PAN3: variants seen among roughly 807,000 people sequenced by gnomAD.
PAN3 encodes PAN2-PAN3 deadenylation complex subunit PAN3.
Under a neutral mutation model 96.2 loss-of-function variants are expected in PAN3, and 19 were observed. That is an observed-to-expected ratio of 0.20 (90% CI 0.14 to 0.29). PAN3 has a LOEUF of 0.29. Among genes scored for constraint, PAN3 ranks in the 10% least tolerant of loss-of-function variants. PAN3 has a pLI of 1.00. For synonymous variants in PAN3, 433 were observed against 406.6 expected (o/e 1.06, Z -0.78); for missense variants, 882 against 1,108.1 (o/e 0.80, Z 2.90).
At chr13:28,150,525 T>A (rs939343133) in intron 1 of PAN3, among the ~76,000 whole-genome samples, 13 of 150,954 alleles carry the variant, frequency 8.6e-5, no homozygotes, top group Middle Eastern at 3.2e-3. Flanking sequence ...TAGTACCAGC[T>A]ACTCGGGAGG....
chr13:28,143,860 A>G (rs1372903333), intron 1 of PAN3, among the ~76,000 whole-genome samples: 1 of 152,218 alleles, frequency 6.6e-6, no homozygotes, highest in Non-Finnish European at 1.5e-5. Context: ...GCTTTGGAAT[A>G]TGTAATGTGT....
intron 5 of PAN3, among the ~76,000 whole-genome samples, chr13:28,211,668 T>C (rs1279463381): frequency 6.6e-6 from 1 of 152,184 alleles, no homozygotes; most frequent in African/African-American, 2.4e-5. Flanking sequence ...CTTAATATTT[T>C]CAAAACATTA....
At chr13:28,163,647 C>T (rs564789475) in intron 1 of PAN3, among the ~76,000 whole-genome samples, 2 of 152,180 alleles carry the variant, frequency 1.3e-5, no homozygotes, top group East Asian at 3.9e-4. Context: ...CTCATCATAC[C>T]TGAGTCTTGA....
chr13:28,215,977 A>G (rs527798542), intron 5 of PAN3: 4 of 792,414 alleles, frequency 5.0e-6, no homozygotes, highest in East Asian at 4.9e-5. Context: ...TCAGTTGGCC[A>G]TTTAAGTTAA....
chr13:28,287,565 C>T (rs542542731), intron 17 of PAN3, among the ~76,000 whole-genome samples: 6 of 152,146 alleles, frequency 3.9e-5, no homozygotes, highest in East Asian at 1.9e-4. Flanking sequence ...GGTAGGAAAC[C>T]GATATTTACT....
In PAN3 at chr13:28,142,511, A is replaced by ATTTTTTTTTTTTTT. The variant is rs74881179; in HGVS notation, c.430+3430_430+3443dup. ...TGTGAGGCAGTTAAAATAGATGGCAATTTTTTTTTTTTTTTTTTTGAGACA... is the reference window on the plus strand; with the variant it reads ...TGTGAGGCAGTTAAAATAGATGGCAATTTTTTTTTTTTTTTTTTTTTTTTTTTTTTTTTGAGACA... On this transcript the variant is annotated intron_variant, in intron 1 of 18. Coordinates refer to ENST00000380958, the MANE Select transcript of PAN3 (RefSeq NM_175854.8). 2.3e-3 allele frequency among the ~76,000 whole-genome samples: 285 copies of ATTTTTTTTTTTTTT among 126,610 alleles called. 9 individuals are homozygous for ATTTTTTTTTTTTTT. Among genetic ancestry groups the ATTTTTTTTTTTTTT allele is most frequent in the African/African-American group, 8.8e-3 (272 of 30,870 alleles). The allele number at this position is 126,610 out of a possible 152,430, so 83.1% of individuals were successfully genotyped here.
chr13:28,183,127 C>CT (rs772153253), intron 4 of PAN3, among the ~76,000 whole-genome samples: 2 of 151,954 alleles, frequency 1.3e-5, no homozygotes, highest in East Asian at 3.9e-4. Flanking sequence ...TAAGCTAGGC[C>CT]TTTTTTGCAT....
Position 28,138,934 on chromosome 13 carries a change from G to T in PAN3, c.277G>T (p.Ala93Ser). ...SNSVPLALAG[A>S]PVAGFPPGAV... Reference sequence around the variant, plus strand: ...CAGCGTCCCCCTGGCTCTGGCTGGTGCACCCGTGGCCGGCTTTCCGCCGGG... The same window carrying T: ...CAGCGTCCCCCTGGCTCTGGCTGGTTCACCCGTGGCCGGCTTTCCGCCGGG... Residue 93 changes from alanine to serine, a missense_variant, in exon 1 of 19, where the codon GCA (alanine) becomes TCA (serine). Physicochemically the swap from Ala to Ser is moderately conservative, Grantham distance 99. Around this residue, in one of 3 missense-constraint regions of PAN3, gnomAD observed 442 missense variants for 422.8 expected, o/e 1.05. Transcript: ENST00000380958. 1 of 1,345,828 alleles carries T rather than the reference G, an allele frequency of 7.4e-7. No homozygotes were observed. 83.4% of individuals were successfully genotyped at this position (1,345,828 alleles called of 1,614,324 possible).
At chr13:28,155,030 G>A (rs1352361401) in intron 1 of PAN3, among the ~76,000 whole-genome samples, 4 of 149,226 alleles carry the variant, frequency 2.7e-5, no homozygotes, top group Non-Finnish European at 4.5e-5. Flanking sequence ...GGGTTTCACC[G>A]TGGTCTCGAT....
chr13:28,145,757 A>ATTTT (rs895808998), intron 1 of PAN3, among the ~76,000 whole-genome samples: 2 of 124,464 alleles, frequency 1.6e-5, no homozygotes, highest in African/African-American at 3.0e-5. Flanking sequence ...TGCCAAGCTA[A>ATTTT]TTTTTTTTTT....
chr13:28,282,674 AG>A (rs1375109066), intron 17 of PAN3, among the ~76,000 whole-genome samples: 2 of 152,314 alleles, frequency 1.3e-5, no homozygotes, highest in South Asian at 4.1e-4. Context: ...GGTCAAAAAT[AG>A]GTAACCTATC....
chr13:28,263,966 C>T (rs1303658762), intron 9 of PAN3, among the ~76,000 whole-genome samples: 3 of 152,176 alleles, frequency 2.0e-5, no homozygotes, highest in African/African-American at 4.8e-5. Context: ...ATGTTTCTGA[C>T]TATCCCTTCC....
In PAN3 at chr13:28,138,686, C is replaced by A. The variant is rs1249224529; in HGVS notation, c.29C>A (p.Pro10His). ...AACAGTGGCGGCGGCCTCCCGCCCC[C>A]CTCGGCCGCCGCCTCCCCTTCCTCC... MNSGGGLPP[P>H]SAAASPSSSS... is the part of the protein sequence containing the mutation. Residue 10 changes from proline (P) to histidine (H), a missense_variant, in exon 1 of 19, where the codon CCC becomes CAC. Pro to His is a moderately conservative substitution (Grantham distance 77). Transcript: ENST00000380958. 17 of 965,812 alleles carry A rather than the reference C, an allele frequency of 1.8e-5. No homozygotes were observed. Among genetic ancestry groups the A allele is most frequent in the African/African-American group, 3.5e-5 (2 of 57,084 alleles). 59.8% of individuals were successfully genotyped at this position (965,812 alleles called of 1,614,324 possible). A position where few individuals can be genotyped will look rare whatever the true frequency, so the allele number is the denominator to read the frequency against.
intron 9 of PAN3, 122 bp downstream of exon 9, chr13:28,261,580 C>T (rs1354786970): frequency 2.7e-6 from 2 of 752,184 alleles, no homozygotes; most frequent in African/African-American, 1.8e-5. Context: ...TACCTGTAAT[C>T]CCAGCAGTTT....
Position 28,277,252 on chromosome 13 carries a change from T to C in PAN3, c.2065T>C (p.Ser689Pro). The C allele has an allele frequency of 3.1e-6, 5 of 1,610,664 alleles. No homozygotes were observed. The highest frequency in any genetic ancestry group is 2.2e-5 in the East Asian group (1 of 44,838). Residue 689 changes from serine to proline, a missense_variant, in exon 15 of 19, where the codon TCA becomes CCA. Physicochemically the swap from Ser to Pro is moderately conservative, Grantham distance 74 (BLOSUM62 -1). Coordinates refer to ENST00000380958, the MANE Select transcript of PAN3 (RefSeq NM_175854.8). ...MAQYQQADLI[S>P]LGKVVLALAC... ...TTCATGTCAGCAAGCAGATCTGATA[T>C]CATTAGGAAAAGTTGTGTTGGCTTT...
chr13:28,166,745 G>A (rs1873597160), intron 1 of PAN3, among the ~76,000 whole-genome samples: 1 of 152,238 alleles, frequency 6.6e-6, no homozygotes, highest in Admixed American at 6.5e-5. Context: ...GCACCATGTA[G>A]GCATCACCAA....
At chr13:28,273,494 A>G (rs1321730466) in intron 14 of PAN3, among the ~76,000 whole-genome samples, 5 of 152,130 alleles carry the variant, frequency 3.3e-5, no homozygotes, top group African/African-American at 1.2e-4. Context: ...CCAGCTACTC[A>G]GGAGGCTAAG....
At chr13:28,196,638 C>T (rs1407199717) in intron 4 of PAN3, among the ~76,000 whole-genome samples, 1 of 151,006 alleles carries the variant, frequency 6.6e-6, no homozygotes, top group Non-Finnish European at 1.5e-5. Flanking sequence ...GTACTCAAGT[C>T]TAACGTGCAT....
In PAN3 at chr13:28,266,861, C is replaced by G; in HGVS notation, c.1558C>G (p.Leu520Val). Residue 520 changes from leucine to valine, a missense_variant, in exon 10 of 19, where the codon CTT becomes GTT. Transcript: ENST00000380958. ...VNSKDDLPYC[L>V]RRIHGFRLVN... ...CAGCAAAGATGATCTGCCATATTGCCTTCGGAGGATACATGGTAAGGAAGA... is the reference window on the plus strand; with the variant it reads ...CAGCAAAGATGATCTGCCATATTGCGTTCGGAGGATACATGGTAAGGAAGA... 1 of 1,599,316 alleles carries G rather than the reference C, an allele frequency of 6.3e-7. No homozygotes were observed. The highest frequency in any genetic ancestry group is 8.5e-7 in the Non-Finnish European group (1 of 1,173,826).
Sources: allele counts gnomAD v4.1 joint callset (sites outside exome capture counted in the v4.1 genomes callset), GRCh38; gene constraint gnomAD v4.1.1; regional missense constraint gnomAD v4.1.1; transcripts MANE v1.5; gene names NCBI Gene and HGNC (gene_info 2026-07-23, HGNC 2026-07-21).